Variants in TTC29 observed in about 807,000 individuals in gnomAD.
The protein encoded by TTC29 is tetratricopeptide repeat protein 29.
TTC29 carries 49 observed loss-of-function variants against 58.1 expected under a neutral mutation model. The observed-to-expected ratio is 0.84, with a 90% CI of 0.67 to 1.07. The LOEUF (loss-of-function observed/expected upper bound fraction) is 1.07. TTC29 is among the 50% of genes least tolerant of loss of function. TTC29 has a pLI of 0.00. For missense variants in TTC29, 582 were observed against 555.6 expected, an observed-to-expected ratio of 1.05 and a Z score of -0.48; for synonymous variants, 209 against 196.8, an observed-to-expected ratio of 1.06 and a Z score of -0.52.
chr4:146,840,717 A>T (rs1409860665), intron 8 of TTC29, among the ~76,000 whole-genome samples: 1 of 152,150 alleles, frequency 6.6e-6, no homozygotes, highest in Non-Finnish European at 1.5e-5. Flanking sequence ...TGAATTTCAG[A>T]TAGTTGTAAG....
At chr4:146,895,855 A>G (rs959688123) in intron 6 of TTC29, among the ~76,000 whole-genome samples, 1 of 152,114 alleles carries the variant, frequency 6.6e-6, no homozygotes, top group African/African-American at 2.4e-5. Context: ...GGTCTTTCTC[A>G]TCTAAAATTG....
intron 11 of TTC29, among the ~76,000 whole-genome samples, chr4:146,742,796 C>A (rs1331876013): frequency 7.2e-6 from 1 of 139,086 alleles, no homozygotes; most frequent in African/African-American, 2.6e-5. Context: ...CCTCCTCTTT[C>A]TTCCTCCTTT....
At chr4:146,941,624 C>T (rs546981132) in intron 2 of TTC29, among the ~76,000 whole-genome samples, 30 of 152,240 alleles carry the variant, frequency 2.0e-4, no homozygotes, top group African/African-American at 7.0e-4. Context: ...CAGAAGGAGA[C>T]AAGCTCAAAG....
intron 4 of TTC29, among the ~76,000 whole-genome samples, chr4:146,912,311 T>A (rs775289305): frequency 2.0e-5 from 3 of 152,172 alleles, no homozygotes; most frequent in Non-Finnish European, 4.4e-5. Flanking sequence ...CATTTTAACA[T>A]CAGATAAACA....
At chr4:146,869,706 G>C (rs573115716) in intron 7 of TTC29, among the ~76,000 whole-genome samples, 1 of 152,220 alleles carries the variant, frequency 6.6e-6, no homozygotes, top group East Asian at 1.9e-4. Context: ...TTTTATGTGA[G>C]TGGAAGCTCA....
At chr4:146,835,925 G>C (rs1247424858) in intron 8 of TTC29, among the ~76,000 whole-genome samples, 1 of 152,100 alleles carries the variant, frequency 6.6e-6, no homozygotes, top group Non-Finnish European at 1.5e-5. Flanking sequence ...GGAGCAGAGG[G>C]GCAAAAGACA....
chr4:146,919,456 C>CA (rs1271855226), intron 4 of TTC29, among the ~76,000 whole-genome samples: 1 of 150,728 alleles, frequency 6.6e-6, no homozygotes, highest in African/African-American at 2.4e-5. Flanking sequence ...AGGAGGGAAA[C>CA]AAAAAATGAG....
At chr4:146,822,355 T>G (rs1751908438) in intron 9 of TTC29, among the ~76,000 whole-genome samples, 1 of 152,146 alleles carries the variant, frequency 6.6e-6, no homozygotes, top group Non-Finnish European at 1.5e-5. Context: ...TCTGTTCCTG[T>G]GTTAACTTGC....
chr4:146,718,506 T>C (rs1187666482), intron 11 of TTC29, among the ~76,000 whole-genome samples: 1 of 152,232 alleles, frequency 6.6e-6, no homozygotes, highest in Non-Finnish European at 1.5e-5. Context: ...CTTATGTCTT[T>C]GTTTTTGAGA....
intron 11 of TTC29, among the ~76,000 whole-genome samples, chr4:146,744,310 T>A (rs768462801): frequency 1.3e-5 from 2 of 151,106 alleles, no homozygotes; most frequent in Non-Finnish European, 2.9e-5. Context: ...GGAGGGAGGA[T>A]CACTCGAGGC....
At chr4:146,789,770 T>C (rs1176245884) in intron 11 of TTC29, among the ~76,000 whole-genome samples, 2 of 151,416 alleles carry the variant, frequency 1.3e-5, no homozygotes. Flanking sequence ...AGGTAAAATA[T>C]ATTTTTTACT....
intron 6 of TTC29, among the ~76,000 whole-genome samples, chr4:146,878,324 G>A (rs1182681342): frequency 6.6e-6 from 1 of 152,156 alleles, no homozygotes; most frequent in Non-Finnish European, 1.5e-5. Context: ...CCTGAGGACG[G>A]AGCCTGAGAT....
chr4:146,923,486 CAT>C (rs760478330), intron 4 of TTC29, among the ~76,000 whole-genome samples: 4 of 151,686 alleles, frequency 2.6e-5, no homozygotes, highest in South Asian at 2.1e-4. Context: ...AACACTCACA[CAT>C]GATTAAGAAA....
At chr4:146,781,255 A>G (rs1445520873) in intron 11 of TTC29, among the ~76,000 whole-genome samples, 3 of 151,980 alleles carry the variant, frequency 2.0e-5, no homozygotes, top group Non-Finnish European at 1.5e-5. Context: ...ATCCAGTAGT[A>G]TATGGCTTGA....
At chr4:146,944,377 A>C (rs1328511902) in intron 2 of TTC29, 1 of 152,240 alleles carries the variant, frequency 6.6e-6, no homozygotes. Flanking sequence ...AAATGGAGAA[A>C]TACAGGATGA....
In TTC29 at chr4:146,730,671, A is replaced by G. The variant is rs1414789899; in HGVS notation, c.1331-23120T>C. ...GCCATGTGAAGGAAGAATTTATATG[A>G]CGAAGGAGTTATCAACTTTGTTCAT... On this transcript the variant is annotated intron_variant, in intron 11 of 12. Transcript: ENST00000325106. Among the ~76,000 whole-genome samples, 5 of 152,274 alleles carry G rather than the reference A, an allele frequency of 3.3e-5. No individual in the cohort carries two copies. The South Asian group carries it at 1.0e-3, about 32-fold the overall frequency.
In TTC29 at chr4:146,939,822, G is replaced by A. The variant is rs1476277078; in HGVS notation, c.74C>T (p.Ser25Phe). Residue 25 changes from serine (S) to phenylalanine (F), a missense_variant, in exon 3 of 13, where the codon TCC becomes TTC. Coordinates refer to ENST00000325106, the MANE Select transcript of TTC29 (RefSeq NM_031956.4). ...CACGTACCTTGGAATTTTTCTGGAG[G>A]AGCAAGGCAGCTTCTGTCTGGCTAA... is the stretch of plus-strand genomic sequence containing the variant. ...TALARQKLPC[S>F]SRKIPRSQLI... 5 of 1,612,646 alleles carry A rather than the reference G, an allele frequency of 3.1e-6. No individual in the cohort carries two copies. Among genetic ancestry groups the A allele is most frequent in the Admixed American group, 1.7e-5 (1 of 59,796 alleles).
chr4:146,878,918 C>T (rs867431577), intron 6 of TTC29, among the ~76,000 whole-genome samples: 4 of 152,108 alleles, frequency 2.6e-5, no homozygotes, highest in Admixed American at 6.6e-5. Context: ...TGGGTACACT[C>T]GACTCAGGCA....
At chr4:146,855,924 C>T (rs1280096231) in intron 8 of TTC29, among the ~76,000 whole-genome samples, 1 of 152,130 alleles carries the variant, frequency 6.6e-6, no homozygotes, top group East Asian at 1.9e-4. Context: ...AGGTGTAATG[C>T]CTCTTCTTCT....
Sources: allele counts gnomAD v4.1 joint callset (sites outside exome capture counted in the v4.1 genomes callset), GRCh38; gene constraint gnomAD v4.1.1; transcripts MANE v1.5; gene names NCBI Gene and HGNC (gene_info 2026-07-23, HGNC 2026-07-21).